The following OR51B5 variants were observed in gnomAD, a reference collection of about 807,000 sequenced individuals.
OR51B5 encodes olfactory receptor 51B5.
For missense variants in OR51B5, 456 were observed against 374.6 expected, an observed-to-expected ratio of 1.22 and a Z score of -1.79; for synonymous variants, 186 against 144.8, an observed-to-expected ratio of 1.28 and a Z score of -2.04.
intron 1 of OR51B5, among the ~76,000 whole-genome samples, chr11:5,374,621 T>C (rs1564791512): frequency 6.6e-6 from 1 of 151,898 alleles, no homozygotes; most frequent in Non-Finnish European, 1.5e-5. Flanking sequence ...GAATAACCAA[T>C]ACAGAGAAGT....
At chr11:5,502,782 A>C (rs1021555555) in intron 1 of OR51B5, among the ~76,000 whole-genome samples, 5 of 152,226 alleles carry the variant, frequency 3.3e-5, no homozygotes, top group Non-Finnish European at 5.9e-5. Context: ...AAATAAATGA[A>C]TATATGCAAA....
rs1326445775 is a variant in OR51B5 at position 5,401,901 on chromosome 11, TTTTC to T, written n.85-54995_85-54992del. 5.8e-3 allele frequency among the ~76,000 whole-genome samples: 832 copies of T among 144,458 alleles called. 7 individuals are homozygous for T. Among genetic ancestry groups the T allele is most frequent in the African/African-American group, 0.021 (777 of 36,692 alleles). The allele number at this position is 144,458 out of a possible 152,430, so 94.8% of individuals were successfully genotyped here. A position where few individuals can be genotyped will look rare whatever the true frequency, so the allele number is the denominator to read the frequency against. On this transcript the variant is annotated intron_variant and non_coding_transcript_variant, in intron 1 of 4. Coordinates refer to the OR51B5 transcript ENST00000415970. ...CCTTTTCTCTCTCTTCCTTCCTTCC[TTTTC>T]TTTCTCTCTCTCTCTTCTTTCCTTT... is the stretch of plus-strand genomic sequence containing the variant.
intron 1 of OR51B5, chr11:5,391,446 A>C (rs1032365438): frequency 6.6e-6 from 1 of 152,226 alleles, no homozygotes; most frequent in African/African-American, 2.4e-5. Context: ...AGATCCCTGG[A>C]GGAATTAGGC....
intron 1 of OR51B5, chr11:5,468,700 G>T (rs1428108301): frequency 6.6e-6 from 3 of 456,454 alleles, no homozygotes. Context: ...CACATGTGTT[G>T]AGTGTCTTAA....
chr11:5,478,051 G>C (rs1488495522), intron 1 of OR51B5, among the ~76,000 whole-genome samples: 1 of 151,838 alleles, frequency 6.6e-6, no homozygotes, highest in Non-Finnish European at 1.5e-5. Context: ...CTCCACCTCT[G>C]GGGGCAGGGC....
intron 1 of OR51B5, among the ~76,000 whole-genome samples, chr11:5,482,540 A>C (rs1434323917): frequency 8.4e-6 from 1 of 118,908 alleles, no homozygotes; most frequent in African/African-American, 3.4e-5. Flanking sequence ...TCTGCACAGC[A>C]AAAGAAACTA....
chr11:5,412,938 A>C (rs1850172962), intron 1 of OR51B5, among the ~76,000 whole-genome samples: 1 of 152,062 alleles, frequency 6.6e-6, no homozygotes, highest in African/African-American at 2.4e-5. Context: ...TGAAAAGAGC[A>C]GTGGTTCTCC....
downstream of OR51B5, chr11:5,341,389 G>A (rs909299224): frequency 6.6e-6 from 1 of 152,174 alleles, no homozygotes; most frequent in African/African-American, 2.4e-5. Flanking sequence ...CATGAACAAT[G>A]AGCAGCCAAC....
intron 1 of OR51B5, among the ~76,000 whole-genome samples, chr11:5,430,301 T>G (rs1470262664): frequency 6.6e-6 from 1 of 152,162 alleles, no homozygotes; most frequent in African/African-American, 2.4e-5. Context: ...AAATTTAAAT[T>G]TCATTAAGTC....
chr11:5,487,519 G>T (rs368661), intron 1 of OR51B5, among the ~76,000 whole-genome samples: 1 of 152,152 alleles, frequency 6.6e-6, no homozygotes, highest in East Asian at 1.9e-4. Flanking sequence ...AGATAAGTAA[G>T]AGATTTGTTC....
At position 5,380,889 on chromosome 11, in the gene OR51B5, C is replaced by G. The variant is rs575244413; in HGVS notation, n.85-33979G>C. ...TCTTGTGCCCTGGGGATAGTAGGGC[C>G]TTGGTGCTGGTCAGAATTTAAGCCT... is the stretch of plus-strand genomic sequence containing the variant. On this transcript the variant is annotated intron_variant and non_coding_transcript_variant, in intron 1 of 4. Coordinates refer to the OR51B5 transcript ENST00000415970. Among the ~76,000 whole-genome samples the G allele has an allele frequency of 1.1e-4, 17 of 152,140 alleles. No homozygotes were observed. The East Asian group carries it at 3.1e-3, about 28-fold the overall frequency.
rs1850306539 is a variant in OR51B5 at position 5,419,976 on chromosome 11, G to A, written n.85-73066C>T. 2.0e-5 allele frequency among the ~76,000 whole-genome samples: 3 copies of A among 151,096 alleles called. No individual in the cohort carries two copies. The South Asian group carries it at 6.4e-4, about 32-fold the overall frequency. ...CTTATGTTTCTATTTACATTTCAAT[G>A]TGCTTAATAGAAACATAAGCTCTAA... On this transcript the variant is annotated intron_variant and non_coding_transcript_variant, in intron 1 of 4. Transcript: ENST00000415970.
intron 1 of OR51B5, among the ~76,000 whole-genome samples, chr11:5,403,852 G>A (rs1382224727): frequency 6.6e-6 from 1 of 152,118 alleles, no homozygotes; most frequent in Admixed American, 6.5e-5. Context: ...TGAGGAAAAG[G>A]CACCTGGGAG....
chr11:5,425,031 T>C (rs188303374), intron 1 of OR51B5, among the ~76,000 whole-genome samples: 78 of 131,640 alleles, frequency 5.9e-4, no homozygotes, highest in Middle Eastern at 3.7e-3. Flanking sequence ...ACCAAAGGAA[T>C]CTCTTTCTCT....
chr11:5,460,386 C>A (rs11037548), intron 1 of OR51B5, among the ~76,000 whole-genome samples: 6 of 152,202 alleles, frequency 3.9e-5, no homozygotes, highest in African/African-American at 1.4e-4. Flanking sequence ...TACCCTTGAA[C>A]GTAAAAGTTT....
At chr11:5,342,993 G>A (rs758642734) in exon 1 of OR51B5, 2 of 1,613,362 alleles carry the variant, frequency 1.2e-6, no homozygotes, top group Non-Finnish European at 1.7e-6. Context: ...TCCTGGTGAA[G>A]GCAGAATGCA....
At chr11:5,423,529 T>C (rs894478136) in intron 1 of OR51B5, among the ~76,000 whole-genome samples, 2 of 152,184 alleles carry the variant, frequency 1.3e-5, no homozygotes, top group Non-Finnish European at 2.9e-5. Flanking sequence ...TCACCTATTC[T>C]CTTAGGCAGT....
chr11:5,481,891 G>A (rs185262461), intron 1 of OR51B5, among the ~76,000 whole-genome samples: 5 of 141,652 alleles, frequency 3.5e-5, no homozygotes, highest in African/African-American at 8.6e-5. Context: ...CCATGCTCAC[G>A]GGTAGGAAGA....
At chr11:5,445,183 GAA>G (rs1206198995) in intron 1 of OR51B5, among the ~76,000 whole-genome samples, 1 of 151,914 alleles carries the variant, frequency 6.6e-6, no homozygotes, top group African/African-American at 2.4e-5. Flanking sequence ...ACAAAACTTA[GAA>G]AAAGACTATG....
Sources: gnomAD v4.1 joint callset for allele counts (sites outside exome capture counted in the v4.1 genomes callset) on GRCh38, gnomAD v4.1.1 for gene constraint, MANE v1.5 for transcripts, NCBI Gene and HGNC (gene_info 2026-07-23, HGNC 2026-07-21) for gene names.